Variants in UPK1B observed in about 807,000 individuals in gnomAD.
UPK1B encodes uroplakin 1B, also known as uroplakin-1b.
UPK1B carries 28 observed loss-of-function variants against 34.2 expected under a neutral mutation model. The ratio of observed to expected loss-of-function variants is 0.82; its 90% CI spans 0.61 to 1.12. UPK1B has a LOEUF of 1.12. Ranked by LOEUF, UPK1B falls within the 50% of genes most tolerant of loss-of-function variation. The pLI is 0.00. For synonymous variants in UPK1B, 81 were observed against 110.4 expected (o/e 0.73, Z 1.67); for missense variants, 325 against 320.9 (o/e 1.01, Z -0.10).
intron 4 of UPK1B, 101 bp from the exon 5 acceptor site, chr3:119,190,881 G>C: frequency 1.3e-6 from 2 of 1,519,296 alleles, no homozygotes; most frequent in Non-Finnish European, 1.8e-6. Context: ...CTCCAGGAGA[G>C]AATGTTCAGT....
At position 119,194,414 on chromosome 3, in the gene UPK1B, T is replaced by TC. The variant is rs36002465; in HGVS notation, c.648+19dup. 407,922 of 1,595,138 alleles carry TC rather than the reference T, an allele frequency of 0.26. 52,889 individuals are homozygous for TC. Among genetic ancestry groups the TC allele is most frequent in the Middle Eastern group, 0.35 (2,079 of 6,012 alleles). ...TCACAATCAGGTGAGTCCTCTCTCC[T>TC]CCCAAGACTTCCCAGGAGGTTCTGC... On this transcript the variant is annotated intron_variant, in intron 6 of 7. Coordinates refer to ENST00000264234, the MANE Select transcript of UPK1B (RefSeq NM_006952.4).
chr3:119,189,403 A>G (rs1243180037), intron 3 of UPK1B, among the ~76,000 whole-genome samples: 1 of 152,232 alleles, frequency 6.6e-6, no homozygotes, highest in African/African-American at 2.4e-5. Context: ...CCCTTCTCCC[A>G]AGAGTGTGTG....
intron 1 of UPK1B, among the ~76,000 whole-genome samples, chr3:119,184,099 T>C (rs1378418556): frequency 2.0e-5 from 3 of 152,204 alleles, no homozygotes; most frequent in Non-Finnish European, 4.4e-5. Flanking sequence ...TTCTTTTTGC[T>C]CAGAGCAAGT....
chr3:119,182,171 A>T (rs1210903166), intron 1 of UPK1B, among the ~76,000 whole-genome samples: 1 of 152,190 alleles, frequency 6.6e-6, no homozygotes, highest in Non-Finnish European at 1.5e-5. Context: ...TCTCTCATGA[A>T]TTCATCTATG....
Position 119,194,325 on chromosome 3 carries a change from T to A in UPK1B, c.575T>A (p.Val192Asp). 2.5e-6 allele frequency: 4 copies of A among 1,614,002 alleles called. No homozygotes were observed. In the African/African-American group the frequency reaches 4.0e-5, roughly 16 times the overall value. ...TATCCCTGGCCTCGTCAATGCTGTG[T>A]TATGAACAATCTTAAAGAACCTCTC... Reference protein sequence around the residue: ...ADYPWPRQCCVMNNLKEPLNL... With the variant: ...ADYPWPRQCCDMNNLKEPLNL... Residue 192 changes from valine (V) to aspartate (D), a missense_variant, in exon 6 of 8, where the codon GTT (valine) becomes GAT (aspartate). Physicochemically the swap from Val to Asp is radical, Grantham distance 152. Coordinates refer to ENST00000264234, the MANE Select transcript of UPK1B (RefSeq NM_006952.4).
At chr3:119,195,645 A>C (rs1000885119) in intron 6 of UPK1B, among the ~76,000 whole-genome samples, 3 of 152,254 alleles carry the variant, frequency 2.0e-5, no homozygotes, top group Non-Finnish European at 4.4e-5. Context: ...TCTCAGGACT[A>C]TAAAAGGCTT....
intron 6 of UPK1B, among the ~76,000 whole-genome samples, chr3:119,196,535 C>CTTTTT (rs34406185): frequency 6.2e-4 from 66 of 106,994 alleles, no homozygotes; most frequent in Middle Eastern, 5.0e-3. Context: ...TTTTCTTTTT[C>CTTTTT]TTTTTTTTTT....
rs1274913129 is a variant in UPK1B at position 119,203,920 on chromosome 3, T to TG, written c.739dup (p.Val247GlyfsTer13). 3.7e-6 allele frequency: 6 copies of TG among 1,613,972 alleles called. No individual in the cohort carries two copies. Among genetic ancestry groups the TG allele is most frequent in the Non-Finnish European group, 5.1e-6 (6 of 1,180,010 alleles). On this transcript the variant is annotated frameshift_variant, in exon 8 of 8. Transcript: ENST00000264234. LOFTEE classifies it high-confidence loss of function. The stretch of plus-strand genomic sequence containing the variant: ...TCCTTGTTTTTTTCTATTCCAGTTT[T>TG]GGGTTCTCCTGGGTACCATGTTCTA...
Position 119,204,055 on chromosome 3 carries a change from G to GC in UPK1B, c.*92dup, listed in dbSNP as rs1413222734. On this transcript the variant is annotated 3_prime_UTR_variant, in exon 8 of 8. Transcript: ENST00000264234. ...CTCTCTCCTAATATTCCACGTTTGT[G>GC]CCCCACACTAACGTGTGTGTCTTAC... 9.6e-6 allele frequency: 14 copies of GC among 1,465,136 alleles called. No homozygotes were observed. Among genetic ancestry groups the GC allele is most frequent in the Non-Finnish European group, 1.3e-5 (14 of 1,053,084 alleles). The allele number at this position is 1,465,136 out of a possible 1,614,324, so 90.8% of individuals were successfully genotyped here.
intron 1 of UPK1B, chr3:119,175,857 T>C (rs2077954596): frequency 6.6e-6 from 1 of 152,258 alleles, no homozygotes; most frequent in African/African-American, 2.4e-5. Context: ...TGAATTCTTT[T>C]GACTTTAAAT....
In UPK1B at chr3:119,187,986, A is replaced by G. The variant is rs1471607899; in HGVS notation, c.270+11A>G. The G allele has an allele frequency of 1.2e-6, 2 of 1,613,966 alleles. No individual in the cohort carries two copies. Among genetic ancestry groups the G allele is most frequent in the African/African-American group, 2.7e-5 (2 of 74,922 alleles). ...AAAATTCTTCTGGCGGTAAGACCTC[A>G]AAATTCTCTGGAGTTGTCTCCCTGA... On this transcript the variant is annotated intron_variant, in intron 3 of 7. Coordinates refer to ENST00000264234, the MANE Select transcript of UPK1B (RefSeq NM_006952.4).
chr3:119,188,023 T>C, intron 3 of UPK1B, 48 bp downstream of exon 3: 1 of 1,588,338 alleles, frequency 6.3e-7, no homozygotes, highest in Non-Finnish European at 8.6e-7. Flanking sequence ...CCAATTGTAA[T>C]GGATTCTTTC....
chr3:119,184,529 C>T (rs554644821), intron 1 of UPK1B, among the ~76,000 whole-genome samples: 2 of 149,268 alleles, frequency 1.3e-5, no homozygotes, highest in Non-Finnish European at 3.0e-5. Context: ...ACCAGCCTGG[C>T]CAATATGGTG....
In UPK1B at chr3:119,194,290, T is replaced by C. The variant is rs1559903347; in HGVS notation, c.540T>C (p.Asn180=). The change falls in exon 6 of 8, where the codon AAT becomes AAC. Residue 180 remains asparagine (N), a synonymous_variant. Transcript: ENST00000264234. ...KYTSAFRTEN[N]DADYPWPRQC... is the part of the protein sequence containing the mutation. ...CATCTGCCTTCCGGACTGAGAATAA[T>C]GATGCTGACTATCCCTGGCCTCGTC... The C allele has an allele frequency of 6.2e-7, 1 of 1,614,060 alleles. No individual in the cohort carries two copies. The highest frequency in any genetic ancestry group is 8.5e-7 in the Non-Finnish European group (1 of 1,179,940).
At chr3:119,193,551 G>C (rs1339460978) in intron 5 of UPK1B, among the ~76,000 whole-genome samples, 1 of 152,142 alleles carries the variant, frequency 6.6e-6, no homozygotes, top group Non-Finnish European at 1.5e-5. Flanking sequence ...CCTATGTGGA[G>C]ACATAGCTCT....
Position 119,194,277 on chromosome 3 carries a change from G to A in UPK1B, c.527G>A (p.Arg176Gln), listed in dbSNP as rs139295857. The change falls in exon 6 of 8, where the codon CGG (arginine) becomes CAG (glutamine). Residue 176 changes from arginine to glutamine, a missense_variant. Physicochemically the swap from Arg to Gln is conservative, Grantham distance 43. Transcript: ENST00000264234. ...SDWQKYTSAFRTENNDADYPW... is the reference protein window; with the variant it reads ...SDWQKYTSAFQTENNDADYPW... ...TGGCAAAAATACACATCTGCCTTCC[G>A]GACTGAGAATAATGATGCTGACTAT... 8.6e-5 allele frequency: 139 copies of A among 1,613,984 alleles called. No homozygotes were observed. The highest frequency in any genetic ancestry group is 3.3e-4 in the Middle Eastern group (2 of 6,062).
At chr3:119,199,422 C>A (rs2078081740) in intron 7 of UPK1B, among the ~76,000 whole-genome samples, 1 of 152,204 alleles carries the variant, frequency 6.6e-6, no homozygotes, top group Non-Finnish European at 1.5e-5. Context: ...CTTTCCCTTG[C>A]CAGAGTTCTT....
At chr3:119,195,507 G>A (rs1178958050) in intron 6 of UPK1B, among the ~76,000 whole-genome samples, 2 of 152,194 alleles carry the variant, frequency 1.3e-5, no homozygotes, top group Non-Finnish European at 2.9e-5. Flanking sequence ...TTATTTTGCA[G>A]CAGTGTCCAG....
intron 1 of UPK1B, among the ~76,000 whole-genome samples, chr3:119,174,168 A>G (rs2077941904): frequency 1.3e-5 from 2 of 152,326 alleles, no homozygotes; most frequent in South Asian, 2.1e-4. Flanking sequence ...GTGTGAAGCA[A>G]TTTACTCCCA....
Sources: gnomAD v4.1 joint callset for allele counts (sites outside exome capture counted in the v4.1 genomes callset) on GRCh38, gnomAD v4.1.1 for gene constraint, MANE v1.5 for transcripts, NCBI Gene and HGNC (gene_info 2026-07-23, HGNC 2026-07-21) for gene names.